Variants in SASH1 observed in about 807,000 individuals in gnomAD.
SASH1 encodes SAM and SH3 domain-containing protein 1.
SASH1 carries 44 observed loss-of-function variants against 125.2 expected under a neutral mutation model. The observed-to-expected ratio is 0.35, with a 90% CI of 0.28 to 0.45. SASH1 has a LOEUF of 0.45. SASH1 is among the 20% of genes least tolerant of loss of function. SASH1 has a pLI of 1.00. For synonymous variants in SASH1, 639 were observed against 649.1 expected, an observed-to-expected ratio of 0.98 and a Z score of 0.24; for missense variants, 1,426 against 1,614.5, an observed-to-expected ratio of 0.88 and a Z score of 2.00.
At chr6:148,344,900 C>T (rs1027821144) in intron 1 of SASH1, among the ~76,000 whole-genome samples, 4 of 151,950 alleles carry the variant, frequency 2.6e-5, no homozygotes, top group African/African-American at 7.3e-5. Context: ...GGATTACAGG[C>T]GCGCAACACC....
intron 1 of SASH1, among the ~76,000 whole-genome samples, chr6:148,276,554 G>A (rs961548634): frequency 6.6e-6 from 1 of 152,192 alleles, no homozygotes; most frequent in African/African-American, 2.4e-5. Flanking sequence ...AAGTAAGCTA[G>A]GATGGAGGAA....
rs150728102 is a variant in SASH1, at chr6:148,531,561, G to A, written c.1464G>A (p.Pro488=). 3.1e-4 allele frequency: 489 copies of A among 1,558,910 alleles called. 1 individual carries two copies. Among genetic ancestry groups the A allele is most frequent in the East Asian group, 2.5e-3 (102 of 40,986 alleles). ...TTGATGGAATGCCTGGCTCCCCTCC[G>A]CCTTCACAGCCCGACCCCGAACACT... is the stretch of plus-strand genomic sequence containing the variant. ...SGLDGMPGSP[P]PSQPDPEHLD... Residue 488 remains proline (P), a synonymous_variant, in exon 13 of 20, where the codon CCG becomes CCA. Coordinates refer to ENST00000367467, the MANE Select transcript of SASH1 (RefSeq NM_015278.5).
intron 1 of SASH1, among the ~76,000 whole-genome samples, chr6:148,363,636 G>T (rs140547939): frequency 6.6e-6 from 1 of 151,758 alleles, no homozygotes; most frequent in Non-Finnish European, 1.5e-5. Context: ...TCCTGACCTC[G>T]TGATCCACCC....
chr6:148,315,143 G>T (rs940309029), intron 1 of SASH1, among the ~76,000 whole-genome samples: 1 of 152,150 alleles, frequency 6.6e-6, no homozygotes, highest in Non-Finnish European at 1.5e-5. Context: ...TTATTAAATA[G>T]AATTTAAATG....
chr6:148,307,032 C>CTTTCTTTCTTTCTT (rs1372412421), intron 1 of SASH1, among the ~76,000 whole-genome samples: 6 of 43,968 alleles, frequency 1.4e-4, no homozygotes, highest in African/African-American at 7.5e-4. Flanking sequence ...TCTTTTCTTT[C>CTTTCTTTCTTTCTT]TTTCTTTCTT....
At chr6:148,328,626 T>A (rs1780906311) in intron 1 of SASH1, among the ~76,000 whole-genome samples, 1 of 151,980 alleles carries the variant, frequency 6.6e-6, no homozygotes. Flanking sequence ...GACCTGTGAT[T>A]ACTTTTGCAC....
the SASH1 span, among the ~76,000 whole-genome samples, chr6:148,217,519 A>T: frequency 4.0e-4 from 61 of 152,278 alleles, no homozygotes; most frequent in African/African-American, 1.3e-3. Flanking sequence ...AACTGAGAAC[A>T]TCATCCAGAT....
intron 1 of SASH1, among the ~76,000 whole-genome samples, chr6:148,328,564 G>A (rs566504474): frequency 1.3e-5 from 2 of 151,584 alleles, no homozygotes; most frequent in African/African-American, 2.4e-5. Context: ...CTGCACTCCA[G>A]CCTGGGTGAC....
At chr6:148,237,576 G>A in the SASH1 span, 2 of 152,000 alleles carry the variant, frequency 1.3e-5, no homozygotes, top group South Asian at 2.1e-4. Context: ...AACCAGTGTC[G>A]ATTCTGATAT....
Position 148,549,872 on chromosome 6 carries a change from C to T in SASH1, c.*1314C>T, listed in dbSNP as rs1437216926. The T allele has an allele frequency of 4.0e-6, 1 of 249,726 alleles. No homozygotes were observed. Among genetic ancestry groups the T allele is most frequent in the Non-Finnish European group, 7.5e-6 (1 of 132,676 alleles). The allele number at this position is 249,726 out of a possible 1,614,324, so 15.5% of individuals were successfully genotyped here. On this transcript the variant is annotated 3_prime_UTR_variant, in exon 20 of 20. Coordinates refer to ENST00000367467, the MANE Select transcript of SASH1 (RefSeq NM_015278.5). ...TCACCCAGGCTGGAGTGCAATGGCA[C>T]GATCTTGGCTCACTGCAACCTCAGT...
At chr6:148,288,102 T>G (rs1779533228) in intron 1 of SASH1, among the ~76,000 whole-genome samples, 1 of 152,212 alleles carries the variant, frequency 6.6e-6, no homozygotes, top group South Asian at 2.1e-4. Context: ...GGACATAAGC[T>G]ATGGCTGTCG....
At chr6:148,222,778 ATCTC>A in the SASH1 span, among the ~76,000 whole-genome samples, 77,112 of 146,564 alleles carry the variant, frequency 0.53, 20,197 homozygotes, top group East Asian at 0.72. Context: ...TTCCCCTTCG[ATCTC>A]TCTCTCTCTC....
chr6:148,507,486 C>G (rs1188934298), intron 8 of SASH1, among the ~76,000 whole-genome samples: 1 of 152,048 alleles, frequency 6.6e-6, no homozygotes, highest in Non-Finnish European at 1.5e-5. Context: ...TCCTCCTATC[C>G]CAGCCTCCTG....
chr6:148,363,905 T>C (rs1205470684), intron 1 of SASH1, among the ~76,000 whole-genome samples: 3 of 152,126 alleles, frequency 2.0e-5, no homozygotes, highest in African/African-American at 7.2e-5. Context: ...TTATTCCCTG[T>C]GGATTCTATA....
intron 11 of SASH1, among the ~76,000 whole-genome samples, chr6:148,527,106 T>G (rs894242463): frequency 2.0e-5 from 3 of 152,144 alleles, no homozygotes; most frequent in Admixed American, 2.0e-4. Context: ...TCTCCTGACC[T>G]CGTGATCCAC....
At position 148,532,158 on chromosome 6, in the gene SASH1, A is replaced by ACCTT. The variant is rs548865261; in HGVS notation, c.1564+499_1564+502dup. 4.1e-3 allele frequency among the ~76,000 whole-genome samples: 618 copies of ACCTT among 152,104 alleles called. 1 individual carries two copies. The highest frequency in any genetic ancestry group is 6.7e-3 in the Non-Finnish European group (456 of 67,966). ...AGTGTTGTGATCTCAGCTCACTGCA[A>ACCTT]CCTTCACCTCCCTGGCTCAAGGGAT... is the stretch of plus-strand genomic sequence containing the variant. On this transcript the variant is annotated intron_variant, in intron 13 of 19. Transcript: ENST00000367467. The surrounding 1 kb of genome is among the most constrained non-coding windows in gnomAD (Gnocchi z 4.7).
chr6:148,216,617 C>T, the SASH1 span, among the ~76,000 whole-genome samples: 1 of 152,188 alleles, frequency 6.6e-6, no homozygotes, highest in South Asian at 2.1e-4. Flanking sequence ...TCAGGTCCGT[C>T]CAGCCCTGAA....
At chr6:148,199,590 C>T in the SASH1 span, among the ~76,000 whole-genome samples, 14 of 151,796 alleles carry the variant, frequency 9.2e-5, no homozygotes, top group Non-Finnish European at 1.8e-4. Context: ...TCCAGCTATT[C>T]GGCAGGCGGA....
At chr6:148,201,745 G>A in the SASH1 span, among the ~76,000 whole-genome samples, 1 of 152,192 alleles carries the variant, frequency 6.6e-6, no homozygotes, top group Non-Finnish European at 1.5e-5. Context: ...ACCAGGACCA[G>A]TGGAAGTGAC....
Sources: gnomAD v4.1 joint callset for allele counts (sites outside exome capture counted in the v4.1 genomes callset) on GRCh38, gnomAD v4.1.1 for gene constraint, Gnocchi (gnomAD v3.1) non-coding constraint, MANE v1.5 for transcripts, NCBI Gene and HGNC (gene_info 2026-07-23, HGNC 2026-07-21) for gene names.